Variants in TRMT11 observed in about 807,000 individuals in gnomAD.
TRMT11 encodes tRNA (guanine(10)-N(2))-methyltransferase TRMT11.
In TRMT11, 53 loss-of-function variants were observed where a neutral mutation model predicts 62.8. The ratio of observed to expected loss-of-function variants is 0.84; its 90% CI spans 0.68 to 1.06. The LOEUF is 1.06. TRMT11 is among the 50% of genes least tolerant of loss of function. TRMT11 has a pLI of 0.00. For missense variants in TRMT11, 556 were observed against 553.4 expected (o/e 1.00, Z -0.05); for synonymous variants, 188 against 190.3 (o/e 0.99, Z 0.10).
intron 8 of TRMT11, among the ~76,000 whole-genome samples, chr6:126,010,989 C>G (rs541958626): frequency 2.0e-5 from 3 of 152,120 alleles, no homozygotes; most frequent in Non-Finnish European, 4.4e-5. Context: ...CAAAAATCTT[C>G]GTACTTGAAA....
At chr6:126,247,566 A>C in the TRMT11 span, among the ~76,000 whole-genome samples, 1 of 146,490 alleles carries the variant, frequency 6.8e-6, no homozygotes, top group South Asian at 2.1e-4. Context: ...AAATATATAA[A>C]TATATATATA....
intron 17 of TRMT11, among the ~76,000 whole-genome samples, chr6:126,053,305 T>G (rs1776270071): frequency 6.6e-6 from 1 of 152,242 alleles, no homozygotes; most frequent in Non-Finnish European, 1.5e-5. Context: ...CATGTGTTTC[T>G]GATGTTTTGA....
intron 17 of TRMT11, among the ~76,000 whole-genome samples, chr6:126,095,555 T>C (rs953087678): frequency 9.9e-5 from 15 of 152,230 alleles, no homozygotes; most frequent in Non-Finnish European, 2.2e-4. Context: ...TAGATCACGT[T>C]ATTCAGTCAG....
At chr6:126,017,417 CTGTT>C (rs1395615689) in intron 11 of TRMT11, among the ~76,000 whole-genome samples, 8 of 152,174 alleles carry the variant, frequency 5.3e-5, no homozygotes, top group Non-Finnish European at 1.2e-4. Flanking sequence ...GATTTTCTCA[CTGTT>C]TGACAATTTA....
chr6:126,015,084 A>C (rs1401402990), intron 11 of TRMT11, among the ~76,000 whole-genome samples: 2 of 12,574 alleles, frequency 1.6e-4, no homozygotes, highest in African/African-American at 1.9e-3. Context: ...GGGCTAAAAT[A>C]AAAAAAAAAA....
intron 21 of TRMT11, among the ~76,000 whole-genome samples, chr6:126,121,294 A>G (rs777835594): frequency 6.6e-6 from 1 of 152,134 alleles, no homozygotes; most frequent in Non-Finnish European, 1.5e-5. Flanking sequence ...TGCCATTTAG[A>G]TATGATGCCC....
In TRMT11 at chr6:125,986,635, C is replaced by G. The variant is rs1450590280; in HGVS notation, c.72+13C>G. 2 of 1,573,718 alleles carry G rather than the reference C, an allele frequency of 1.3e-6. No homozygotes were observed. Among genetic ancestry groups the G allele is most frequent in the East Asian group, 4.6e-5 (2 of 43,228 alleles). On this transcript the variant is annotated intron_variant, in intron 1 of 12. Transcript: ENST00000334379. ...GTTCCGCCTGCCGGTGAGTCCGTAG[C>G]GCCCTCCGGAACTTCCGACGGAAGA... is the stretch of plus-strand genomic sequence containing the variant.
intron 1 of TRMT11, among the ~76,000 whole-genome samples, chr6:126,187,292 G>A (rs1778538066): frequency 6.6e-6 from 1 of 151,882 alleles, no homozygotes; most frequent in South Asian, 2.1e-4. Context: ...ATATAAAATA[G>A]TCAATTGAAT....
intron 12 of TRMT11, among the ~76,000 whole-genome samples, chr6:126,033,694 A>G (rs1365699457): frequency 6.6e-6 from 1 of 152,174 alleles, no homozygotes; most frequent in Non-Finnish European, 1.5e-5. Context: ...GTTTACAGCA[A>G]TCCGGGACTC....
At chr6:126,237,283 A>G in the TRMT11 span, among the ~76,000 whole-genome samples, 2 of 152,204 alleles carry the variant, frequency 1.3e-5, no homozygotes, top group African/African-American at 4.8e-5. Flanking sequence ...TCTAGGATCC[A>G]GGGAGGATTT....
chr6:126,023,134 A>G (rs1419799742), intron 12 of TRMT11, among the ~76,000 whole-genome samples: 3 of 152,252 alleles, frequency 2.0e-5, no homozygotes, highest in Non-Finnish European at 4.4e-5. Flanking sequence ...TGGAAATCAA[A>G]TTCTATTTCA....
Position 126,011,263 on chromosome 6 carries a change from T to TA in TRMT11, c.772dup (p.Arg258LysfsTer11), listed in dbSNP as rs1794137855. On this transcript the variant is annotated frameshift_variant, in exon 9 of 13. Coordinates refer to ENST00000334379, the MANE Select transcript of TRMT11 (RefSeq NM_001031712.3). LOFTEE classifies it high-confidence loss of function. ...TTTCTTTCCCTTCAGGAAAGGCTAC[T>TA]AGGAAAAACCAGAAGTGGAGAGGAC... is the stretch of plus-strand genomic sequence containing the variant. 6.2e-7 allele frequency: 1 copy of TA among 1,611,800 alleles called. No homozygotes were observed. Among genetic ancestry groups the TA allele is most frequent in the Non-Finnish European group, 8.5e-7 (1 of 1,179,006 alleles).
At chr6:125,995,923 A>C in intron 2 of TRMT11, 44 bp from the exon 3 acceptor site, 1 of 1,208,092 alleles carries the variant, frequency 8.3e-7, no homozygotes, top group South Asian at 1.2e-5. Context: ...ATATGAGGCC[A>C]TGTAGCCACT....
chr6:126,151,006 A>C (rs968139924), intron 21 of TRMT11, among the ~76,000 whole-genome samples: 9 of 152,190 alleles, frequency 5.9e-5, no homozygotes, highest in Admixed American at 5.9e-4. Context: ...GCTAGAGCAA[A>C]AGCATCATAT....
Position 126,102,761 on chromosome 6 carries a change from A to T in TRMT11, c.*1438-10105A>T, listed in dbSNP as rs192548245. On this transcript the variant is annotated intron_variant and NMD_transcript_variant, in intron 17 of 22. Coordinates refer to the TRMT11 transcript ENST00000648977. ...AACTGCACTCTCTTCTAGTAAGTATAAAAAAGTTCTACTGGCAATAATAAT... is the reference window on the plus strand; with the variant it reads ...AACTGCACTCTCTTCTAGTAAGTATTAAAAAGTTCTACTGGCAATAATAAT... Among the ~76,000 whole-genome samples the T allele has an allele frequency of 6.6e-3, 1,010 of 152,238 alleles. 4 individuals are homozygous for T. Among genetic ancestry groups the T allele is most frequent in the Non-Finnish European group, 0.011 (720 of 68,008 alleles).
intron 1 of TRMT11, among the ~76,000 whole-genome samples, chr6:125,990,121 A>C (rs1389094654): frequency 6.6e-6 from 1 of 152,134 alleles, no homozygotes; most frequent in African/African-American, 2.4e-5. Context: ...AGTTATGTTA[A>C]AGTATATGAT....
intron 17 of TRMT11, among the ~76,000 whole-genome samples, chr6:126,110,411 G>A (rs554271821): frequency 3.3e-5 from 5 of 152,052 alleles, no homozygotes; most frequent in Admixed American, 6.6e-5. Flanking sequence ...AGTGAAATAT[G>A]TATTCAAAAA....
At chr6:126,125,708 C>T (rs1320208662) in intron 21 of TRMT11, among the ~76,000 whole-genome samples, 1 of 152,034 alleles carries the variant, frequency 6.6e-6, no homozygotes, top group Non-Finnish European at 1.5e-5. Context: ...ATCCTAAGAT[C>T]ACCCATCACC....
intron 1 of TRMT11, among the ~76,000 whole-genome samples, chr6:126,191,464 C>CTTTTTTTTTTTTTTTT (rs77414207): frequency 2.0e-5 from 2 of 102,380 alleles, no homozygotes; most frequent in African/African-American, 3.5e-5. Flanking sequence ...TCCTACTTGT[C>CTTTTTTTTTTTTTTTT]TTTTTTTTTT....
Sources: gnomAD v4.1 joint callset for allele counts (sites outside exome capture counted in the v4.1 genomes callset) on GRCh38, gnomAD v4.1.1 for gene constraint, MANE v1.5 for transcripts, NCBI Gene and HGNC (gene_info 2026-07-23, HGNC 2026-07-21) for gene names.